SHPRH: variants seen among roughly 807,000 people sequenced by gnomAD.
SHPRH encodes E3 ubiquitin-protein ligase SHPRH.
In SHPRH, 106 loss-of-function variants were observed where a neutral mutation model predicts 202.5. The observed-to-expected ratio is 0.52, with a 90% CI of 0.45 to 0.62. The LOEUF (loss-of-function observed/expected upper bound fraction) is 0.62. Among genes scored for constraint, SHPRH ranks in the 20% least tolerant of loss-of-function variants. The pLI is 0.00. For missense variants in SHPRH, 1,710 were observed against 2,020.0 expected (o/e 0.85, Z 2.94); for synonymous variants, 729 against 686.0 (o/e 1.06, Z -0.98).
intron 2 of SHPRH, among the ~76,000 whole-genome samples, chr6:145,952,800 G>T (rs1788119031): frequency 6.6e-6 from 1 of 152,058 alleles, no homozygotes; most frequent in Non-Finnish European, 1.5e-5. Context: ...GAATTAATCA[G>T]TCAAGTTTGT....
intron 15 of SHPRH, 57 bp from the exon 16 acceptor site, chr6:145,926,353 A>G: frequency 7.2e-7 from 1 of 1,397,450 alleles, no homozygotes; most frequent in Non-Finnish European, 1.0e-6. Flanking sequence ...CTCTGAAGAG[A>G]ACCTAATATT....
intron 28 of SHPRH, among the ~76,000 whole-genome samples, chr6:145,891,675 T>C (rs1781577040): frequency 6.6e-6 from 1 of 152,154 alleles, no homozygotes; most frequent in African/African-American, 2.4e-5. Context: ...GAGGTACTTC[T>C]AATCTGATTG....
At chr6:145,962,345 T>C (rs1789173444) in intron 1 of SHPRH, among the ~76,000 whole-genome samples, 1 of 152,178 alleles carries the variant, frequency 6.6e-6, no homozygotes, top group African/African-American at 2.4e-5. Flanking sequence ...GAAACAAAGA[T>C]CTCTAATTCC....
intron 25 of SHPRH, chr6:145,904,118 T>C (rs564370628): frequency 6.6e-6 from 1 of 152,204 alleles, no homozygotes; most frequent in South Asian, 2.1e-4. Context: ...CTACTACTAA[T>C]AAATAATAGT....
intron 13 of SHPRH, 62 bp downstream of exon 13, chr6:145,934,845 G>C: frequency 6.8e-7 from 1 of 1,466,222 alleles, no homozygotes; most frequent in Non-Finnish European, 9.2e-7. Flanking sequence ...TGAAACCGTG[G>C]GCCTGAAATA....
chr6:145,922,398 T>C (rs752556838), intron 19 of SHPRH, 50 bp from the exon 20 acceptor site: 16 of 1,529,878 alleles, frequency 1.0e-5, no homozygotes, highest in African/African-American at 1.5e-5. Flanking sequence ...ACCAGCAATC[T>C]GGTAATTTTA....
At chr6:145,938,856 T>C (rs1026662031) in intron 11 of SHPRH, among the ~76,000 whole-genome samples, 1 of 151,432 alleles carries the variant, frequency 6.6e-6, no homozygotes, top group Non-Finnish European at 1.5e-5. Context: ...GTGTGGCGGG[T>C]GGAAGGAGTT....
intron 25 of SHPRH, among the ~76,000 whole-genome samples, chr6:145,900,914 A>T (rs1198929661): frequency 1.3e-5 from 2 of 152,094 alleles, no homozygotes; most frequent in Non-Finnish European, 2.9e-5. Context: ...CTGCTGATGC[A>T]GAATCTGCAA....
chr6:145,961,952 C>G (rs1226468546), intron 1 of SHPRH, among the ~76,000 whole-genome samples: 1 of 152,212 alleles, frequency 6.6e-6, no homozygotes, highest in Non-Finnish European at 1.5e-5. Context: ...AAGTCAAGTA[C>G]TGGTGAAATT....
rs1035715126 is a variant in SHPRH, at chr6:145,892,247, T to C, written c.4874+968A>G. Among the ~76,000 whole-genome samples, 5 of 152,310 alleles carry C rather than the reference T, an allele frequency of 3.3e-5. No individual in the cohort carries two copies. The South Asian group carries it at 1.0e-3, about 32-fold the overall frequency. On this transcript the variant is annotated intron_variant, in intron 28 of 29. Coordinates refer to ENST00000275233, the MANE Select transcript of SHPRH (RefSeq NM_001042683.3). ...TGTATTTTTGCATATATAACTCTCT[T>C]TGGCTGTGTGAATACCCTTTTCCAG... is the stretch of plus-strand genomic sequence containing the variant.
intron 18 of SHPRH, 44 bp downstream of exon 18, chr6:145,923,599 C>T (rs1181489203): frequency 2.5e-6 from 4 of 1,586,768 alleles, no homozygotes; most frequent in East Asian, 2.2e-5. Flanking sequence ...GATTTCTTTG[C>T]TTTTAAAATT....
In SHPRH at chr6:145,886,432, A is replaced by T; in HGVS notation, c.*259T>A. 1 of 779,164 alleles carries T rather than the reference A, an allele frequency of 1.3e-6. No individual in the cohort carries two copies. Among genetic ancestry groups the T allele is most frequent in the Non-Finnish European group, 2.3e-6 (1 of 427,600 alleles). The allele number at this position is 779,164 out of a possible 1,614,324, so 48.3% of individuals were successfully genotyped here. On this transcript the variant is annotated 3_prime_UTR_variant, in exon 30 of 30. Coordinates refer to ENST00000275233, the MANE Select transcript of SHPRH (RefSeq NM_001042683.3). ...TCTCTTAATTCCCTTGCATCATCAG[A>T]TATAGATACTATTTGGGACAAAAAA...
intron 2 of SHPRH, among the ~76,000 whole-genome samples, chr6:145,869,392 T>G (rs1304310111): frequency 6.6e-6 from 1 of 152,226 alleles, no homozygotes; most frequent in African/African-American, 2.4e-5. Context: ...CCTCGGGTAG[T>G]GTAGTCAAAA....
chr6:145,880,220 C>CATA (rs1780500208), downstream of SHPRH, among the ~76,000 whole-genome samples: 1 of 152,090 alleles, frequency 6.6e-6, no homozygotes, highest in South Asian at 2.1e-4. Flanking sequence ...AAATTAGGTG[C>CATA]TTTATCTACT....
chr6:145,956,136 G>C (rs1788483622), intron 1 of SHPRH, among the ~76,000 whole-genome samples: 1 of 151,946 alleles, frequency 6.6e-6, no homozygotes, highest in African/African-American at 2.4e-5. Flanking sequence ...GATAAACAAA[G>C]ACTGAAAAAA....
Position 145,933,041 on chromosome 6 carries a change from A to C in SHPRH, c.3112+16T>G, listed in dbSNP as rs1350101902. On this transcript the variant is annotated intron_variant, in intron 14 of 29. Coordinates refer to ENST00000275233, the MANE Select transcript of SHPRH (RefSeq NM_001042683.3). ...AAGTGTTTGAAAGAATCAGAGATAA[A>C]GCAATCACCTTCTACCTTTAATAAT... The C allele has an allele frequency of 6.2e-7, 1 of 1,610,796 alleles. No individual in the cohort carries two copies. The highest frequency in any genetic ancestry group is 2.2e-5 in the East Asian group (1 of 44,706).
chr6:145,948,764 A>G (rs998378524), intron 4 of SHPRH, among the ~76,000 whole-genome samples: 19 of 152,022 alleles, frequency 1.2e-4, no homozygotes, highest in Admixed American at 9.8e-4. Flanking sequence ...GGCTAAATAC[A>G]TTTACCCGAA....
At chr6:145,958,856 T>C (rs182289612) in intron 1 of SHPRH, among the ~76,000 whole-genome samples, 33 of 151,940 alleles carry the variant, frequency 2.2e-4, no homozygotes, top group African/African-American at 7.0e-4. Context: ...TTTATTGAGA[T>C]AGAGACTCAC....
At chr6:145,858,325 T>C in the SHPRH span, among the ~76,000 whole-genome samples, 1 of 152,090 alleles carries the variant, frequency 6.6e-6, no homozygotes. Flanking sequence ...CATCAACAGA[T>C]GAATGAATAA....
Sources: gnomAD v4.1 joint callset for allele counts (sites outside exome capture counted in the v4.1 genomes callset) on GRCh38, gnomAD v4.1.1 for gene constraint, MANE v1.5 for transcripts, NCBI Gene and HGNC (gene_info 2026-07-23, HGNC 2026-07-21) for gene names.